The following DAB1 variants were observed in gnomAD, a reference collection of about 807,000 sequenced individuals.
The protein encoded by DAB1 is DAB adaptor protein 1, also known as disabled homolog 1.
Under a neutral mutation model 64.6 loss-of-function variants are expected in DAB1, and 15 were observed. The observed-to-expected ratio is 0.23, with a 90% confidence interval of 0.16 to 0.36. The LOEUF (loss-of-function observed/expected upper bound fraction) is 0.36, where lower values mean the gene tolerates loss of function less well. DAB1 is among the 10% of genes least tolerant of loss of function. The pLI, the probability that DAB1 is intolerant of heterozygous loss-of-function variation, is 1.00. For missense variants in DAB1, 596 were observed against 706.7 expected, an observed-to-expected ratio of 0.84 and a Z score of 1.78; for synonymous variants, 235 against 251.9, an observed-to-expected ratio of 0.93 and a Z score of 0.64.
chr1:58,284,125 G>A (rs1047407676), intron 4 of DAB1, among the ~76,000 whole-genome samples: 1 of 152,202 alleles, frequency 6.6e-6, no homozygotes, highest in Non-Finnish European at 1.5e-5. Flanking sequence ...CTAGTCTTGA[G>A]GTCTTTTCTG....
intron 5 of DAB1, 22 bp from the exon 6 acceptor site, chr1:57,071,663 C>A: frequency 6.2e-7 from 1 of 1,610,900 alleles, no homozygotes; most frequent in Non-Finnish European, 8.5e-7. Context: ...GGTAGTAAGG[C>A]ACATCATAAG....
rs368319538 is a variant in DAB1 at position 58,216,600 on chromosome 1, G to A, written n.310-66012C>T. ...TTTGGTTCTAGATCCTTGAGGAATC[G>A]CCACACCGTCTTCCACAACGGTTGA... On this transcript the variant is annotated intron_variant and non_coding_transcript_variant, in intron 4 of 20. Coordinates refer to the DAB1 transcript ENST00000485760. Among the ~76,000 whole-genome samples, 10 of 152,172 alleles carry A rather than the reference G, an allele frequency of 6.6e-5. No homozygotes were observed. In the East Asian group the frequency reaches 7.7e-4, roughly 12 times the overall value.
chr1:58,518,833 A>C (rs1646214708), intron 2 of DAB1, among the ~76,000 whole-genome samples: 1 of 152,222 alleles, frequency 6.6e-6, no homozygotes, highest in Admixed American at 6.5e-5. Flanking sequence ...AAGATAAATG[A>C]TTAAAAGACA....
At chr1:58,535,558 T>G (rs1646502963) in intron 1 of DAB1, among the ~76,000 whole-genome samples, 1 of 139,258 alleles carries the variant, frequency 7.2e-6, no homozygotes, top group African/African-American at 2.7e-5. Context: ...ATGGCACCAC[T>G]GCAGTACAGC....
In DAB1 at chr1:57,117,494, A is replaced by G. The variant is rs544977386; in HGVS notation, c.306+19049T>C. 2.4e-4 allele frequency among the ~76,000 whole-genome samples: 36 copies of G among 152,330 alleles called. No homozygotes were observed. In the South Asian group the frequency reaches 7.0e-3, roughly 30 times the overall value. ...CTATGGAGCCCTCCTATGAACTTCT[A>G]TTTTTATTTTCAAATAATGCCATCT... On this transcript the variant is annotated intron_variant, in intron 4 of 14. Transcript: ENST00000371236.
chr1:58,270,945 G>T (rs2100427675), intron 4 of DAB1, among the ~76,000 whole-genome samples: 1 of 33,900 alleles, frequency 2.9e-5, no homozygotes, highest in African/African-American at 7.5e-5. Flanking sequence ...GGGTTTTCTA[G>T]ATATACAATC....
intron 5 of DAB1, among the ~76,000 whole-genome samples, chr1:58,069,050 G>C (rs1649057938): frequency 6.6e-6 from 1 of 152,130 alleles, no homozygotes; most frequent in African/African-American, 2.4e-5. Context: ...AGGCTATTCT[G>C]GTAGGCTCGG....
chr1:58,119,770 G>A (rs1372021753), intron 5 of DAB1, among the ~76,000 whole-genome samples: 2 of 152,188 alleles, frequency 1.3e-5, no homozygotes, highest in Non-Finnish European at 2.9e-5. Flanking sequence ...GGGCAGCCAC[G>A]TTTCCAGTCA....
chr1:57,713,423 C>T (rs1253962431), intron 6 of DAB1, among the ~76,000 whole-genome samples: 2 of 152,114 alleles, frequency 1.3e-5, no homozygotes, highest in African/African-American at 2.4e-5. Context: ...AAAATACAGT[C>T]CTTGTTTTAA....
rs562777227 is a variant in DAB1 at position 57,722,269 on chromosome 1, G to A, written n.552-72604C>T. Among the ~76,000 whole-genome samples the A allele has an allele frequency of 4.6e-5, 7 of 152,278 alleles. No individual in the cohort carries two copies. The South Asian group carries it at 1.2e-3, about 27-fold the overall frequency. ...TGAGTTCTGCTGAACTTAGTGCTAA[G>A]TCATCTTAGAATATAGAGTCATATG... On this transcript the variant is annotated intron_variant and non_coding_transcript_variant, in intron 6 of 20. Transcript: ENST00000485760.
intron 1 of DAB1, among the ~76,000 whole-genome samples, chr1:57,352,303 A>G (rs1430051470): frequency 2.6e-5 from 4 of 152,200 alleles, no homozygotes. Context: ...TCTGATAATG[A>G]TTAAATTGAA....
At chr1:58,412,758 T>C (rs571489022) in intron 3 of DAB1, among the ~76,000 whole-genome samples, 34 of 152,240 alleles carry the variant, frequency 2.2e-4, no homozygotes, top group Non-Finnish European at 3.7e-4. Context: ...GAAAGAGCAC[T>C]GGACAGGAGG....
At chr1:58,081,114 C>T (rs1277402054) in intron 5 of DAB1, among the ~76,000 whole-genome samples, 1 of 152,168 alleles carries the variant, frequency 6.6e-6, no homozygotes, top group Admixed American at 6.5e-5. Flanking sequence ...AGCTTAATAC[C>T]TAATCCTAAT....
intron 6 of DAB1, among the ~76,000 whole-genome samples, chr1:57,747,210 A>C (rs3118049): frequency 2.3e-4 from 35 of 152,204 alleles, no homozygotes; most frequent in African/African-American, 8.0e-4. Flanking sequence ...TAAACCATAC[A>C]TATTCGCCCC....
intron 4 of DAB1, among the ~76,000 whole-genome samples, chr1:58,300,640 G>GAC (rs1662135585): frequency 1.7e-5 from 1 of 57,356 alleles, no homozygotes; most frequent in Admixed American, 1.8e-4. Flanking sequence ...GAGAGAGAGA[G>GAC]AGAGAGAGGA....
At chr1:57,258,297 G>A (rs1385172129) in intron 2 of DAB1, among the ~76,000 whole-genome samples, 1 of 152,174 alleles carries the variant, frequency 6.6e-6, no homozygotes, top group Non-Finnish European at 1.5e-5. Flanking sequence ...AGGTCACACA[G>A]TAAGAAGGAG....
intron 1 of DAB1, among the ~76,000 whole-genome samples, chr1:57,295,747 G>C (rs1175514781): frequency 6.6e-6 from 1 of 152,060 alleles, no homozygotes; most frequent in Admixed American, 6.6e-5. Flanking sequence ...AGGGTAAAAG[G>C]GTTATGGCAG....
chr1:58,407,001 TAGC>T (rs961035874), intron 3 of DAB1, among the ~76,000 whole-genome samples: 10 of 152,178 alleles, frequency 6.6e-5, no homozygotes, highest in African/African-American at 2.4e-4. Flanking sequence ...TCATTGCCAG[TAGC>T]AGAGAAATAG....
intron 7 of DAB1, among the ~76,000 whole-genome samples, chr1:57,600,573 G>GCTCTAAATT (rs1645565445): frequency 6.6e-6 from 1 of 152,148 alleles, no homozygotes; most frequent in Admixed American, 6.5e-5. Flanking sequence ...GAGCCCTGGG[G>GCTCTAAATT]GGTCGGGATG....
Sources: gnomAD v4.1 joint callset for allele counts (sites outside exome capture counted in the v4.1 genomes callset) on GRCh38, gnomAD v4.1.1 for gene constraint, MANE v1.5 for transcripts, NCBI Gene and HGNC (gene_info 2026-07-23, HGNC 2026-07-21) for gene names.